The following FLRT2 variants were observed in gnomAD, a reference collection of about 807,000 sequenced individuals.
FLRT2 encodes the protein fibronectin leucine rich transmembrane protein 2.
Under a neutral mutation model 40.0 loss-of-function variants are expected in FLRT2, and 15 were observed. That is an observed-to-expected ratio of 0.38 (90% CI 0.25 to 0.58). The LOEUF is 0.58. FLRT2 is among the 20% of genes least tolerant of loss of function. The pLI is 0.71. For missense variants in FLRT2, 726 were observed against 840.0 expected (o/e 0.86, Z 1.68); for synonymous variants, 380 against 336.8 (o/e 1.13, Z -1.41).
At chr14:85,532,034 C>A (rs1483727153) in intron 1 of FLRT2, among the ~76,000 whole-genome samples, 2 of 152,202 alleles carry the variant, frequency 1.3e-5, no homozygotes, top group Non-Finnish European at 2.9e-5. Context: ...AACAGGGATG[C>A]GAAGGAAATA....
chr14:85,577,633 T>TCAGAGTA (rs1381745366), intron 1 of FLRT2, among the ~76,000 whole-genome samples: 1 of 151,918 alleles, frequency 6.6e-6, no homozygotes, highest in Admixed American at 6.6e-5. Flanking sequence ...GTTGCCCAGG[T>TCAGAGTA]CAGAGTACAG....
At chr14:85,530,853 C>T (rs1888230146) in intron 1 of FLRT2, among the ~76,000 whole-genome samples, 1 of 152,092 alleles carries the variant, frequency 6.6e-6, no homozygotes, top group Non-Finnish European at 1.5e-5. Flanking sequence ...GTGCCCCTAA[C>T]CTTGTCAGAG....
intron 1 of FLRT2, among the ~76,000 whole-genome samples, chr14:85,569,099 T>A (rs564360387): frequency 6.6e-6 from 1 of 152,296 alleles, no homozygotes; most frequent in Non-Finnish European, 1.5e-5. Flanking sequence ...GGTGGTGGAT[T>A]TTTAGGCTTT....
At position 85,645,547 on chromosome 14, in the gene FLRT2, G is replaced by A. The variant is rs1894276808; in HGVS notation, c.*22050G>A. The A allele has an allele frequency of 6.6e-6, 1 of 152,098 alleles. No individual in the cohort carries two copies. The highest frequency in any genetic ancestry group is 1.5e-5 in the Non-Finnish European group (1 of 68,032). The allele number at this position is 152,098 out of a possible 1,614,324, so 9.4% of individuals were successfully genotyped here. A position where few individuals can be genotyped will look rare whatever the true frequency, so the allele number is the denominator to read the frequency against. On this transcript the variant is annotated 3_prime_UTR_variant, in exon 2 of 2. Coordinates refer to ENST00000330753, the MANE Select transcript of FLRT2 (RefSeq NM_013231.6). ...GGAAACAAAGGTTTCACTAAGCATG[G>A]ATACAATTTGGATCATTGGTAATAA...
intron 1 of FLRT2, among the ~76,000 whole-genome samples, chr14:85,598,409 A>G (rs1182372314): frequency 6.6e-6 from 1 of 152,228 alleles, no homozygotes; most frequent in Non-Finnish European, 1.5e-5. Context: ...AACTGAATAA[A>G]GCCATTATAC....
In FLRT2 at chr14:85,652,714, A is replaced by G. The variant is rs933556708; in HGVS notation, c.*29217A>G. 7 of 152,192 alleles carry G rather than the reference A, an allele frequency of 4.6e-5. No homozygotes were observed. The highest frequency in any genetic ancestry group is 8.8e-5 in the Non-Finnish European group (6 of 68,034). 9.4% of individuals were successfully genotyped at this position (152,192 alleles called of 1,614,324 possible). On this transcript the variant is annotated 3_prime_UTR_variant, in exon 2 of 2. Coordinates refer to ENST00000330753, the MANE Select transcript of FLRT2 (RefSeq NM_013231.6). Reference sequence around the variant, plus strand: ...AGTTATATCAATTAAGTTGCTTAGAATGAACATATAGCTGAACTAATAAGC... The same window carrying G: ...AGTTATATCAATTAAGTTGCTTAGAGTGAACATATAGCTGAACTAATAAGC...
At chr14:85,588,813 T>A (rs1222416247) in intron 1 of FLRT2, among the ~76,000 whole-genome samples, 1 of 152,208 alleles carries the variant, frequency 6.6e-6, no homozygotes, top group East Asian at 1.9e-4. Flanking sequence ...CTATTCTATA[T>A]GTCTATGAAT....
In FLRT2 at chr14:85,637,706, T is replaced by A. The variant is rs537802403; in HGVS notation, c.*14209T>A. ...GAGGGTGGACCCACCATTCCTGCCA[T>A]ATTCCTTGGGTAGGCTCATCTATCA... On this transcript the variant is annotated 3_prime_UTR_variant, in exon 2 of 2. Transcript: ENST00000330753. 4 of 152,322 alleles carry A rather than the reference T, an allele frequency of 2.6e-5. No individual in the cohort carries two copies. In the South Asian group the frequency reaches 8.3e-4, roughly 32 times the overall value. 9.4% of individuals were successfully genotyped at this position (152,322 alleles called of 1,614,324 possible).
intron 1 of FLRT2, among the ~76,000 whole-genome samples, chr14:85,610,034 G>T (rs1427307932): frequency 6.6e-6 from 1 of 152,176 alleles, no homozygotes; most frequent in Non-Finnish European, 1.5e-5. Flanking sequence ...GGGACATTAT[G>T]CTAAGCAGGG....
intron 1 of FLRT2, among the ~76,000 whole-genome samples, chr14:85,608,136 T>C (rs1331040270): frequency 6.6e-6 from 1 of 152,164 alleles, no homozygotes; most frequent in Non-Finnish European, 1.5e-5. Context: ...TCTGAGATAC[T>C]GGGGGTTAGG....
Position 85,632,288 on chromosome 14 carries a change from G to C in FLRT2, c.*8791G>C, listed in dbSNP as rs1215954798. 1 of 151,904 alleles carries C rather than the reference G, an allele frequency of 6.6e-6. No homozygotes were observed. Among genetic ancestry groups the C allele is most frequent in the African/African-American group, 2.4e-5 (1 of 41,370 alleles). 9.4% of individuals were successfully genotyped at this position (151,904 alleles called of 1,614,324 possible). A position where few individuals can be genotyped will look rare whatever the true frequency, so the allele number is the denominator to read the frequency against. On this transcript the variant is annotated 3_prime_UTR_variant, in exon 2 of 2. Coordinates refer to ENST00000330753, the MANE Select transcript of FLRT2 (RefSeq NM_013231.6). ...AAATCAAGACCATCCTGGCCAACAT[G>C]GTGAAACCCTGTCTCTACTAAAAAT...
intron 1 of FLRT2, among the ~76,000 whole-genome samples, chr14:85,613,395 A>G (rs1892984023): frequency 6.6e-6 from 1 of 152,174 alleles, no homozygotes; most frequent in Non-Finnish European, 1.5e-5. Flanking sequence ...ACTATTTCCT[A>G]GTTGCATGTT....
chr14:85,607,181 T>G (rs1892661447), intron 1 of FLRT2, among the ~76,000 whole-genome samples: 1 of 152,082 alleles, frequency 6.6e-6, no homozygotes, highest in African/African-American at 2.4e-5. Context: ...ACCCAAGCCA[T>G]CAGAGCACCA....
Position 85,618,863 on chromosome 14 carries a change from G to A in FLRT2, c.-376-2276G>A, listed in dbSNP as rs552206342. Among the ~76,000 whole-genome samples the A allele has an allele frequency of 3.2e-4, 49 of 152,206 alleles. 2 individuals carry two copies. The South Asian group carries it at 9.4e-3, about 29-fold the overall frequency. Reference sequence around the variant, plus strand: ...GGTTAGGCTCATGCTGCTGGACCAAGGACCACACTTGAGTACCAAGATGTT... The same window carrying A: ...GGTTAGGCTCATGCTGCTGGACCAAAGACCACACTTGAGTACCAAGATGTT... On this transcript the variant is annotated intron_variant, in intron 1 of 1. Coordinates refer to ENST00000330753, the MANE Select transcript of FLRT2 (RefSeq NM_013231.6).
In FLRT2 at chr14:85,651,515, T is replaced by G. The variant is rs1894432955; in HGVS notation, c.*28018T>G. The G allele has an allele frequency of 6.6e-6, 1 of 152,108 alleles. No homozygotes were observed. Among genetic ancestry groups the G allele is most frequent in the East Asian group, 1.9e-4 (1 of 5,198 alleles). 9.4% of individuals were successfully genotyped at this position (152,108 alleles called of 1,614,324 possible). A position where few individuals can be genotyped will look rare whatever the true frequency, so the allele number is the denominator to read the frequency against. On this transcript the variant is annotated 3_prime_UTR_variant, in exon 2 of 2. Transcript: ENST00000330753. ...GTGTCCATTTATTTCAATAATATCTTATACTATGACTCTATATTATTAATT... is the reference window on the plus strand; with the variant it reads ...GTGTCCATTTATTTCAATAATATCTGATACTATGACTCTATATTATTAATT...
chr14:85,602,972 T>G (rs1417047260), intron 1 of FLRT2, among the ~76,000 whole-genome samples: 2 of 152,168 alleles, frequency 1.3e-5, no homozygotes, highest in Non-Finnish European at 2.9e-5. Flanking sequence ...CTTCTTTACA[T>G]CTGATGGGGA....
chr14:85,568,484 G>A (rs1180937221), intron 1 of FLRT2, among the ~76,000 whole-genome samples: 1 of 152,040 alleles, frequency 6.6e-6, no homozygotes, highest in Non-Finnish European at 1.5e-5. Context: ...TTTTTTTCTG[G>A]TATAACCTGC....
chr14:85,545,123 GT>G (rs1490457417), intron 1 of FLRT2, among the ~76,000 whole-genome samples: 4 of 152,136 alleles, frequency 2.6e-5, no homozygotes, highest in African/African-American at 4.8e-5. Flanking sequence ...TTATGAGACT[GT>G]TTAGAAACAA....
At chr14:85,552,453 T>A (rs1207207331) in intron 1 of FLRT2, among the ~76,000 whole-genome samples, 1 of 152,188 alleles carries the variant, frequency 6.6e-6, no homozygotes, top group Non-Finnish European at 1.5e-5. Context: ...CTCAATAGAT[T>A]AGCAGATCTT....
Sources: gnomAD v4.1 joint callset for allele counts (sites outside exome capture counted in the v4.1 genomes callset) on GRCh38, gnomAD v4.1.1 for gene constraint, MANE v1.5 for transcripts, NCBI Gene and HGNC (gene_info 2026-07-23, HGNC 2026-07-21) for gene names.